LHFPL3: variants seen among roughly 807,000 people sequenced by gnomAD.
The protein encoded by LHFPL3 is LHFPL tetraspan subfamily member 3.
LHFPL3 carries 5 observed loss-of-function variants against 19.3 expected under a neutral mutation model. That is an observed-to-expected ratio of 0.26 (90% confidence interval 0.14 to 0.54). The LOEUF (loss-of-function observed/expected upper bound fraction) is 0.54, where lower values mean the gene tolerates loss of function less well. Among genes scored for constraint, LHFPL3 ranks in the 20% least tolerant of loss-of-function variants. The probability of loss-of-function intolerance (pLI) is 0.94; values close to 1 mark genes in which losing one functional copy is unlikely to be tolerated. For synonymous variants in LHFPL3, 133 were observed against 126.2 expected, an observed-to-expected ratio of 1.05 and a Z score of -0.36; for missense variants, 249 against 307.4, an observed-to-expected ratio of 0.81 and a Z score of 1.42.
rs76017769 is a variant in LHFPL3, at chr7:104,383,574, T to C, written c.445+54350T>C. ...TGGCTTCTCTTTCAAGGTGATCCTA[T>C]AAAGGAGCTGGTCTTTTCTCCTAAG... On this transcript the variant is annotated intron_variant, in intron 1 of 2. Transcript: ENST00000424859. Among the ~76,000 whole-genome samples, 402 of 152,324 alleles carry C rather than the reference T, an allele frequency of 2.6e-3. 1 individual carries two copies. The highest frequency in any genetic ancestry group is 9.1e-3 in the African/African-American group (379 of 41,570).
At chr7:104,357,795 C>T (rs531095164) in intron 1 of LHFPL3, among the ~76,000 whole-genome samples, 1 of 152,260 alleles carries the variant, frequency 6.6e-6, no homozygotes, top group East Asian at 1.9e-4. Flanking sequence ...TCCTCCTTCT[C>T]CTCCAGCTTC....
At chr7:104,612,674 A>G (rs1452170097) in intron 1 of LHFPL3, among the ~76,000 whole-genome samples, 2 of 152,194 alleles carry the variant, frequency 1.3e-5, no homozygotes, top group African/African-American at 4.8e-5. Context: ...CCGGTGCTGA[A>G]ACCTAAACCT....
chr7:104,534,331 G>A (rs144693893), intron 1 of LHFPL3, among the ~76,000 whole-genome samples: 3 of 152,256 alleles, frequency 2.0e-5, no homozygotes, highest in East Asian at 1.9e-4. Context: ...GGGCTATGAC[G>A]TCAGAACTCC....
intron 1 of LHFPL3, among the ~76,000 whole-genome samples, chr7:104,600,283 C>G (rs746925457): frequency 6.6e-6 from 1 of 152,192 alleles, no homozygotes; most frequent in African/African-American, 2.4e-5. Flanking sequence ...GAGAGTTAAT[C>G]TCTCATCTTT....
chr7:104,617,722 T>C (rs1791373604), intron 1 of LHFPL3, among the ~76,000 whole-genome samples: 1 of 152,214 alleles, frequency 6.6e-6, no homozygotes, highest in African/African-American at 2.4e-5. Context: ...CTCACTACTC[T>C]GTAGCTTGAA....
At chr7:104,769,147 A>G (rs1226120406) in intron 2 of LHFPL3, 2 of 152,238 alleles carry the variant, frequency 1.3e-5, no homozygotes, top group Non-Finnish European at 2.9e-5. Context: ...GCTTCATGTT[A>G]TCTATAGAAG....
At chr7:104,807,128 A>C (rs1790376525) in intron 2 of LHFPL3, among the ~76,000 whole-genome samples, 1 of 151,956 alleles carries the variant, frequency 6.6e-6, no homozygotes, top group South Asian at 2.1e-4. Context: ...GGTAATCAAA[A>C]TTAAAGTAGG....
In LHFPL3 at chr7:104,377,848, A is replaced by C. The variant is rs139756850; in HGVS notation, c.445+48624A>C. Among the ~76,000 whole-genome samples, 187 of 152,318 alleles carry C rather than the reference A, an allele frequency of 1.2e-3. 2 individuals are homozygous for C. Among genetic ancestry groups the C allele is most frequent in the Admixed American group, 8.4e-3 (128 of 15,300 alleles). On this transcript the variant is annotated intron_variant, in intron 1 of 2. Coordinates refer to ENST00000424859, the MANE Select transcript of LHFPL3 (RefSeq NM_199000.3). ...CATGTATTCTCAATAATAATAACTAAGCTTTTATTTGTCTTTAAGTTAGAA... is the reference window on the plus strand; with the variant it reads ...CATGTATTCTCAATAATAATAACTACGCTTTTATTTGTCTTTAAGTTAGAA...
rs138923563 is a variant in LHFPL3, at chr7:104,850,339, C to T, written c.683-55848C>T. On this transcript the variant is annotated intron_variant, in intron 2 of 2. Coordinates refer to ENST00000424859, the MANE Select transcript of LHFPL3 (RefSeq NM_199000.3). Reference sequence around the variant, plus strand: ...AAATAAAAGTAATTGCGGTTTTTGCCGTTATCGTTTCTAAGGCTAGCCTTG... The same window carrying T: ...AAATAAAAGTAATTGCGGTTTTTGCTGTTATCGTTTCTAAGGCTAGCCTTG... Among the ~76,000 whole-genome samples the T allele has an allele frequency of 3.5e-3, 539 of 152,196 alleles. 15 individuals carry two copies. The East Asian group carries it at 0.056, about 16-fold the overall frequency.
chr7:104,601,475 A>T (rs1283632723), intron 1 of LHFPL3, among the ~76,000 whole-genome samples: 4 of 152,188 alleles, frequency 2.6e-5, no homozygotes, highest in Non-Finnish European at 4.4e-5. Flanking sequence ...AGCATATATT[A>T]TTGATAGTGA....
chr7:104,510,854 A>T (rs1793797670), intron 1 of LHFPL3, among the ~76,000 whole-genome samples: 1 of 152,188 alleles, frequency 6.6e-6, no homozygotes, highest in African/African-American at 2.4e-5. Flanking sequence ...AATAATGAGA[A>T]TACATGGACA....
intron 1 of LHFPL3, among the ~76,000 whole-genome samples, chr7:104,484,666 A>G (rs939622390): frequency 3.3e-5 from 5 of 152,110 alleles, no homozygotes; most frequent in Admixed American, 6.6e-5. Flanking sequence ...AAGAACAGAG[A>G]TTTATTTCTT....
intron 1 of LHFPL3, among the ~76,000 whole-genome samples, chr7:104,603,757 C>A (rs1409322262): frequency 6.6e-6 from 1 of 152,164 alleles, no homozygotes; most frequent in African/African-American, 2.4e-5. Flanking sequence ...GTTCAAAACC[C>A]AATAGGAAAA....
rs546449062 is a variant in LHFPL3, at chr7:104,750,858, G to A, written c.682+13947G>A. Among the ~76,000 whole-genome samples, 858 of 152,038 alleles carry A rather than the reference G, an allele frequency of 5.6e-3. 1 individual carries two copies. Among genetic ancestry groups the A allele is most frequent in the Middle Eastern group, 0.017 (5 of 294 alleles). Reference sequence around the variant, plus strand: ...AGGCTGGCCCCTTTGCTCATTTCCCGACAATGGTTGCCCATTTTTATCAAA... The same window carrying A: ...AGGCTGGCCCCTTTGCTCATTTCCCAACAATGGTTGCCCATTTTTATCAAA... On this transcript the variant is annotated intron_variant, in intron 2 of 2. Transcript: ENST00000424859.
intron 2 of LHFPL3, among the ~76,000 whole-genome samples, chr7:104,756,116 A>G (rs1214949665): frequency 3.9e-5 from 6 of 152,078 alleles, no homozygotes; most frequent in African/African-American, 1.4e-4. Flanking sequence ...AGCTGGATAA[A>G]TAGTGCTGTT....
intron 1 of LHFPL3, among the ~76,000 whole-genome samples, chr7:104,357,951 A>G (rs1045649950): frequency 6.6e-6 from 1 of 152,224 alleles, no homozygotes; most frequent in Non-Finnish European, 1.5e-5. Flanking sequence ...GTCTATTTAT[A>G]CATAAAATGG....
chr7:104,694,345 G>GA (rs1009345749), intron 1 of LHFPL3, among the ~76,000 whole-genome samples: 1 of 152,032 alleles, frequency 6.6e-6, no homozygotes, highest in Admixed American at 6.6e-5. Context: ...GGAGAATAAT[G>GA]AAAAAACAAA....
At position 104,417,654 on chromosome 7, in the gene LHFPL3, ATATC is replaced by A. The variant is rs139112685; in HGVS notation, c.445+88433_445+88436del. Among the ~76,000 whole-genome samples, 806 of 152,294 alleles carry A rather than the reference ATATC, an allele frequency of 5.3e-3. 7 individuals carry two copies. Among genetic ancestry groups the A allele is most frequent in the African/African-American group, 0.018 (759 of 41,560 alleles). ...TAAGGATCAACAAATTATATGTAAA[ATATC>A]TAAGAAAACAATCCTTGTGGGTTTT... On this transcript the variant is annotated intron_variant, in intron 1 of 2. Coordinates refer to ENST00000424859, the MANE Select transcript of LHFPL3 (RefSeq NM_199000.3).
At chr7:104,356,526 C>T (rs1293631544) in intron 1 of LHFPL3, among the ~76,000 whole-genome samples, 1 of 152,090 alleles carries the variant, frequency 6.6e-6, no homozygotes, top group Middle Eastern at 3.2e-3. Context: ...TTTTCCTTTA[C>T]CTTTAATGCA....
Sources: allele counts gnomAD v4.1 joint callset (sites outside exome capture counted in the v4.1 genomes callset), GRCh38; gene constraint gnomAD v4.1.1; transcripts MANE v1.5; gene names NCBI Gene and HGNC (gene_info 2026-07-23, HGNC 2026-07-21).